Variants in PPFIA4 observed in about 807,000 individuals in gnomAD.
PPFIA4 encodes the protein liprin-alpha-4.
A neutral mutation model predicts 145.7 loss-of-function variants in PPFIA4; 98 were observed. That is an observed-to-expected ratio of 0.67 (90% CI 0.57 to 0.80). PPFIA4 has a LOEUF of 0.80. Among genes scored for constraint, PPFIA4 ranks in the 30% least tolerant of loss-of-function variants. PPFIA4 has a pLI of 0.00. For synonymous variants in PPFIA4, 628 were observed against 649.6 expected (o/e 0.97, Z 0.51); for missense variants, 1,457 against 1,632.7 (o/e 0.89, Z 1.85).
At chr1:203,067,067 T>C (rs1661772964) in intron 25 of PPFIA4, among the ~76,000 whole-genome samples, 1 of 152,176 alleles carries the variant, frequency 6.6e-6, no homozygotes, top group Non-Finnish European at 1.5e-5. Flanking sequence ...AGGTGACATT[T>C]AAGCAAAGAC....
At chr1:203,071,851 G>T in intron 28 of PPFIA4, 91 bp downstream of exon 28, 1 of 1,132,134 alleles carries the variant, frequency 8.8e-7, no homozygotes, top group East Asian at 2.5e-5. Flanking sequence ...TGGGCTAATT[G>T]TTGGAAGGCT....
intron 24 of PPFIA4, among the ~76,000 whole-genome samples, chr1:203,062,320 A>C (rs1045207943): frequency 6.7e-6 from 1 of 148,970 alleles, no homozygotes; most frequent in Non-Finnish European, 1.5e-5. Context: ...TACTAAAAAT[A>C]CAAAAAAAAA....
intron 1 of PPFIA4, among the ~76,000 whole-genome samples, chr1:203,030,541 C>T (rs1235141920): frequency 1.3e-5 from 2 of 152,110 alleles, no homozygotes; most frequent in Non-Finnish European, 2.9e-5. Flanking sequence ...ATGGGATGGC[C>T]CCAGTTCCAT....
rs1313254554 is a variant in PPFIA4, at chr1:203,061,629, C to G, written c.2848-23C>G. The G allele has an allele frequency of 2.6e-6, 4 of 1,558,442 alleles. No individual in the cohort carries two copies. The Middle Eastern group carries it at 5.5e-4, about 214-fold the overall frequency. ...TCTTGACTTTGCCTGTTTCCCCTAACACGCTGCACTCGTTCCTGCTAGGAC... is the reference window on the plus strand; with the variant it reads ...TCTTGACTTTGCCTGTTTCCCCTAAGACGCTGCACTCGTTCCTGCTAGGAC... On this transcript the variant is annotated intron_variant, in intron 23 of 29. Transcript: ENST00000295706.
At chr1:203,062,225 C>T (rs1661418373) in intron 24 of PPFIA4, among the ~76,000 whole-genome samples, 1 of 151,724 alleles carries the variant, frequency 6.6e-6, no homozygotes, top group South Asian at 2.1e-4. Flanking sequence ...CACCTGTAAT[C>T]CCAGCACTTT....
chr1:203,067,451 A>G (rs1031111016), intron 25 of PPFIA4: 1 of 453,898 alleles, frequency 2.2e-6, no homozygotes, highest in South Asian at 3.8e-5. Flanking sequence ...TTTTTTTCCC[A>G]TCAATCCATC....
intron 1 of PPFIA4, among the ~76,000 whole-genome samples, chr1:203,029,753 C>G (rs1371404641): frequency 6.6e-6 from 1 of 152,102 alleles, no homozygotes; most frequent in Non-Finnish European, 1.5e-5. Flanking sequence ...ATTCTGTGGG[C>G]AGTAGATGAA....
rs560621107 is a variant in PPFIA4 at position 203,056,851 on chromosome 1, G to A, written c.2308G>A (p.Ala770Thr). 27 of 1,614,048 alleles carry A rather than the reference G, an allele frequency of 1.7e-5. No homozygotes were observed. Among genetic ancestry groups the A allele is most frequent in the South Asian group, 6.6e-5 (6 of 91,080 alleles). Reference sequence around the variant, plus strand: ...CAGCCAGGACTCCCTGCACAAGGGCGCCAAGCGCAAGGGCATCAAGTCGTC... The same window carrying A: ...CAGCCAGGACTCCCTGCACAAGGGCACCAAGCGCAAGGGCATCAAGTCGTC... ...NSSQDSLHKG[A>T]KRKGIKSSIG... Residue 770 changes from alanine to threonine, a missense_variant, in exon 19 of 30, where the codon GCC becomes ACC. Coordinates refer to ENST00000295706, the MANE Select transcript of PPFIA4 (RefSeq NM_001304331.2).
rs542912164 is a variant in PPFIA4, at chr1:203,044,717, G to T, written c.598G>T (p.Ala200Ser). The change falls in exon 6 of 30, where the codon GCA (alanine) becomes TCA (serine). Residue 200 changes from alanine (A) to serine (S), a missense_variant. Ala to Ser is a moderately conservative substitution (Grantham distance 99, BLOSUM62 1). Transcript: ENST00000295706. The stretch of plus-strand genomic sequence containing the variant: ...ACAGGTGTCTGCCCTGCAGCAGGGG[G>T]CAGGGGTGCGGGATGGAGCGGCAGA... ...HQQVSALQQG[A>S]GVRDGAAEEE... The T allele has an allele frequency of 1.3e-6, 2 of 1,560,250 alleles. No individual in the cohort carries two copies. Among genetic ancestry groups the T allele is most frequent in the Non-Finnish European group, 1.7e-6 (2 of 1,152,372 alleles).
intron 13 of PPFIA4, chr1:203,051,554 T>C (rs1660507029): frequency 1.1e-6 from 1 of 882,874 alleles, no homozygotes; most frequent in African/African-American, 1.7e-5. Flanking sequence ...CTCTGGAACT[T>C]TCTCCCCTGG....
Position 203,043,484 on chromosome 1 carries a change from C to T in PPFIA4, c.322C>T (p.Arg108Trp), listed in dbSNP as rs531100492. Residue 108 changes from arginine (R) to tryptophan (W), a missense_variant, in exon 3 of 30, where the codon CGG becomes TGG. This residue lies in a region of PPFIA4 where 463 missense variants were observed against 459.8 expected (regional missense o/e 1.01). Transcript: ENST00000295706. This position sits in a 1 kb window ranked among gnomAD's most constrained non-coding sequence, Gnocchi z 4.4. ...EEEISELKAE[R>W]NNTRLLLEHL... ...AGAGATATCAGAACTGAAAGCAGAA[C>T]GGAATAACACACGGGTAAGTGGGGA... is the stretch of plus-strand genomic sequence containing the variant. 20 of 1,608,720 alleles carry T rather than the reference C, an allele frequency of 1.2e-5. No homozygotes were observed. The highest frequency in any genetic ancestry group is 1.6e-4 in the Middle Eastern group (1 of 6,084).
intron 1 of PPFIA4, among the ~76,000 whole-genome samples, chr1:203,036,701 A>G (rs12568624): frequency 0.065 from 9,914 of 152,298 alleles, 421 homozygotes; most frequent in East Asian, 0.21. Flanking sequence ...AACGGCTGTT[A>G]TCAGCATCAG....
chr1:203,060,025 G>T lies in PPFIA4; in HGVS notation c.2583+174G>T, dbSNP rs1038712784. 1.3e-5 allele frequency among the ~76,000 whole-genome samples: 2 copies of T among 152,104 alleles called. No individual in the cohort carries two copies. The highest frequency in any genetic ancestry group is 2.9e-5 in the Non-Finnish European group (2 of 68,012). ...TCCCCAACACACACACATACCAGTCGCAGGAGAGAGTTGATGCTACTTTTA... is the reference window on the plus strand; with the variant it reads ...TCCCCAACACACACACATACCAGTCTCAGGAGAGAGTTGATGCTACTTTTA... On this transcript the variant is annotated intron_variant, in intron 21 of 29. Transcript: ENST00000295706. The surrounding 1 kb of genome is among the most constrained non-coding windows in gnomAD (Gnocchi z 4.8).
At chr1:203,064,447 C>T (rs1661592603) in intron 25 of PPFIA4, among the ~76,000 whole-genome samples, 1 of 152,182 alleles carries the variant, frequency 6.6e-6, no homozygotes, top group Admixed American at 6.5e-5. Context: ...GCCGACATCC[C>T]AGATCGGAAC....
chr1:203,043,548 G>A lies in PPFIA4; in HGVS notation c.336+50G>A, dbSNP rs1221571557. 4.2e-6 allele frequency: 6 copies of A among 1,422,776 alleles called. No homozygotes were observed. The highest frequency in any genetic ancestry group is 5.8e-6 in the Non-Finnish European group (6 of 1,028,254). The allele number at this position is 1,422,776 out of a possible 1,614,324, so 88.1% of individuals were successfully genotyped here. ...CGCGCGCGCACGTGTGTGTGTGTGT[G>A]TATGGGGGTGTGTTGTGAACACCTT... On this transcript the variant is annotated intron_variant, in intron 3 of 29. Coordinates refer to ENST00000295706, the MANE Select transcript of PPFIA4 (RefSeq NM_001304331.2). This position sits in a 1 kb window ranked among gnomAD's most constrained non-coding sequence, Gnocchi z 4.4.
At chr1:203,029,082 G>A (rs1281913785) in intron 1 of PPFIA4, among the ~76,000 whole-genome samples, 4 of 152,132 alleles carry the variant, frequency 2.6e-5, no homozygotes, top group Non-Finnish European at 5.9e-5. Flanking sequence ...GGGGGAAACA[G>A]CAGTGGGGGA....
chr1:203,067,942 G>A, intron 26 of PPFIA4, 150 bp downstream of exon 26: 1 of 670,242 alleles, frequency 1.5e-6, no homozygotes, highest in Non-Finnish European at 2.6e-6. Flanking sequence ...CTCCCAGTCT[G>A]ATGGAGGAGA....
chr1:203,056,436 C>T lies in PPFIA4; in HGVS notation c.2168C>T (p.Pro723Leu). ...GCCACCATAAAATGTGAGACTTCTC[C>T]TCCTTCCTCACCCAGGACGCTGCGG... ...DKATIKCETS[P>L]PSSPRTLRLE... Residue 723 changes from proline (P) to leucine (L), a missense_variant, in exon 18 of 30, where the codon CCT becomes CTT. This residue lies in a region of PPFIA4 where 848 missense variants were observed against 1,046.7 expected (regional missense o/e 0.81). Transcript: ENST00000295706. 2 of 1,614,022 alleles carry T rather than the reference C, an allele frequency of 1.2e-6. No homozygotes were observed. Among genetic ancestry groups the T allele is most frequent in the Non-Finnish European group, 1.7e-6 (2 of 1,179,890 alleles).
Position 203,032,846 on chromosome 1 carries a change from G to A in PPFIA4, c.-399-5764G>A, listed in dbSNP as rs139491081. 2.2e-3 allele frequency among the ~76,000 whole-genome samples: 337 copies of A among 152,186 alleles called. 3 individuals are homozygous for A. Among genetic ancestry groups the A allele is most frequent in the Middle Eastern group, 0.017 (5 of 294 alleles). On this transcript the variant is annotated intron_variant, in intron 1 of 29. Coordinates refer to ENST00000295706, the MANE Select transcript of PPFIA4 (RefSeq NM_001304331.2). ...TGTTCTGGTGTGATTGTTAACAGTGGTTTACTGTCTAAACCATGACCCTCT... is the reference window on the plus strand; with the variant it reads ...TGTTCTGGTGTGATTGTTAACAGTGATTTACTGTCTAAACCATGACCCTCT...
Sources: gnomAD v4.1 joint callset for allele counts (sites outside exome capture counted in the v4.1 genomes callset) on GRCh38, gnomAD v4.1.1 for gene constraint, gnomAD v4.1.1 regional missense constraint, Gnocchi (gnomAD v3.1) non-coding constraint, MANE v1.5 for transcripts, NCBI Gene and HGNC (gene_info 2026-07-23, HGNC 2026-07-21) for gene names.